The following NECAB1 variants were observed in gnomAD, a reference collection of about 807,000 sequenced individuals.
The protein encoded by NECAB1 is N-terminal EF-hand calcium binding protein 1, also known as N-terminal EF-hand calcium-binding protein 1.
In NECAB1, 29 loss-of-function variants were observed where a neutral mutation model predicts 57.5. That is an observed-to-expected ratio of 0.50 (90% CI 0.38 to 0.69). The LOEUF (loss-of-function observed/expected upper bound fraction) is 0.69, where lower values mean the gene tolerates loss of function less well. Among genes scored for constraint, NECAB1 ranks in the 30% least tolerant of loss-of-function variants. The pLI is 0.00. For synonymous variants in NECAB1, 142 were observed against 147.7 expected (o/e 0.96, Z 0.28); for missense variants, 372 against 413.8 (o/e 0.90, Z 0.88).
At chr8:90,806,868 ATTTT>A (rs1811854765) in intron 2 of NECAB1, 1 of 152,124 alleles carries the variant, frequency 6.6e-6, no homozygotes, top group Admixed American at 6.5e-5. Flanking sequence ...TATTTTCCCT[ATTTT>A]TTAAGTGAAG....
Position 90,921,835 on chromosome 8 carries a change from A to T in NECAB1, c.495-3700A>T, listed in dbSNP as rs143527820. 4.3e-3 allele frequency among the ~76,000 whole-genome samples: 662 copies of T among 152,324 alleles called. 4 individuals are homozygous for T. The highest frequency in any genetic ancestry group is 0.015 in the African/African-American group (608 of 41,558). On this transcript the variant is annotated intron_variant, in intron 6 of 12. Transcript: ENST00000417640. ...TCCTTGGAATATAGCAAATTTAGGG[A>T]AGTCATCTATTCCATCTATCAGCCC... is the stretch of plus-strand genomic sequence containing the variant.
At chr8:90,930,796 C>T (rs1174472214) in intron 8 of NECAB1, among the ~76,000 whole-genome samples, 1 of 152,178 alleles carries the variant, frequency 6.6e-6, no homozygotes, top group African/African-American at 2.4e-5. Flanking sequence ...AAAATAGTGG[C>T]TATGGAAATT....
chr8:90,928,137 G>C (rs1810321823), intron 7 of NECAB1, 86 bp from the exon 8 acceptor site: 11 of 979,672 alleles, frequency 1.1e-5, no homozygotes, highest in African/African-American at 3.3e-5. Context: ...TTTCCTTCAG[G>C]GTTGAAGGAA....
At chr8:90,822,315 T>C (rs1351722631) in intron 2 of NECAB1, among the ~76,000 whole-genome samples, 2 of 151,924 alleles carry the variant, frequency 1.3e-5, no homozygotes, top group Non-Finnish European at 2.9e-5. Flanking sequence ...TCCCTTTCCT[T>C]TAAAAAATGT....
Position 90,945,295 on chromosome 8 carries a change from C to T in NECAB1, c.860+4397C>T, listed in dbSNP as rs1445534133. Among the ~76,000 whole-genome samples, 26 of 152,050 alleles carry T rather than the reference C, an allele frequency of 1.7e-4. 1 individual carries two copies. Among genetic ancestry groups the T allele is most frequent in the Admixed American group, 1.5e-3 (23 of 15,262 alleles). Reference sequence around the variant, plus strand: ...GTTGCCCAGGCTGGTCGCGAACCTCCGACTTCGTGATCCGCCCGCCTCAGT... The same window carrying T: ...GTTGCCCAGGCTGGTCGCGAACCTCTGACTTCGTGATCCGCCCGCCTCAGT... On this transcript the variant is annotated intron_variant, in intron 10 of 12. Coordinates refer to ENST00000417640, the MANE Select transcript of NECAB1 (RefSeq NM_022351.5).
At chr8:90,798,204 A>AT (rs1423564096) in intron 1 of NECAB1, among the ~76,000 whole-genome samples, 1 of 152,210 alleles carries the variant, frequency 6.6e-6, no homozygotes, top group African/African-American at 2.4e-5. Context: ...TCCTTGTAAG[A>AT]TGCCCAGTCA....
intron 5 of NECAB1, among the ~76,000 whole-genome samples, chr8:90,905,741 A>T (rs1809624727): frequency 6.6e-6 from 1 of 152,078 alleles, no homozygotes; most frequent in Admixed American, 6.6e-5. Context: ...AGAACTCCTT[A>T]TATGTAAGTT....
chr8:90,895,737 T>C (rs780376672), intron 5 of NECAB1, among the ~76,000 whole-genome samples: 12 of 152,222 alleles, frequency 7.9e-5, no homozygotes, highest in Admixed American at 1.3e-4. Flanking sequence ...TTAGTCAGAT[T>C]TGTGGCCTCT....
At chr8:90,810,470 A>G (rs1461945770) in intron 2 of NECAB1, among the ~76,000 whole-genome samples, 1 of 152,208 alleles carries the variant, frequency 6.6e-6, no homozygotes, top group African/African-American at 2.4e-5. Flanking sequence ...TCTTAGACTA[A>G]TTCATTAACC....
intron 2 of NECAB1, among the ~76,000 whole-genome samples, chr8:90,816,209 T>C (rs1383798825): frequency 6.6e-6 from 1 of 151,972 alleles, no homozygotes; most frequent in Non-Finnish European, 1.5e-5. Flanking sequence ...GCTTTTGTTT[T>C]CTTACTGTTG....
At chr8:90,896,850 T>A (rs369154152) in intron 5 of NECAB1, among the ~76,000 whole-genome samples, 2 of 152,128 alleles carry the variant, frequency 1.3e-5, no homozygotes, top group Non-Finnish European at 2.9e-5. Context: ...TGCTACCTGC[T>A]CTGCCCTGAC....
chr8:90,865,165 A>C (rs1196600190), intron 3 of NECAB1, among the ~76,000 whole-genome samples: 1 of 152,184 alleles, frequency 6.6e-6, no homozygotes, highest in Non-Finnish European at 1.5e-5. Context: ...GAAAAAATTC[A>C]ATCAGGAAAA....
chr8:90,950,051 A>G (rs1247298336), intron 11 of NECAB1, among the ~76,000 whole-genome samples, 167 bp downstream of exon 11: 1 of 152,180 alleles, frequency 6.6e-6, no homozygotes, highest in African/African-American at 2.4e-5. Context: ...TGTATTTAAT[A>G]GCTTAGAAAC....
At chr8:90,933,936 T>C (rs1034311660) in intron 8 of NECAB1, among the ~76,000 whole-genome samples, 15 of 152,172 alleles carry the variant, frequency 9.9e-5, no homozygotes, top group African/African-American at 3.6e-4. Flanking sequence ...TACTCATTCA[T>C]AGCAAAATAA....
intron 4 of NECAB1, among the ~76,000 whole-genome samples, chr8:90,875,688 T>C (rs1356005862): frequency 1.3e-5 from 2 of 150,670 alleles, no homozygotes; most frequent in African/African-American, 2.4e-5. Flanking sequence ...TTAAAAGTTA[T>C]ATGAAGTCTA....
chr8:90,864,487 T>C (rs2129821284), intron 3 of NECAB1, among the ~76,000 whole-genome samples: 1 of 152,218 alleles, frequency 6.6e-6, no homozygotes, highest in Middle Eastern at 3.4e-3. Context: ...TCAAGTGTTC[T>C]CATTGATTGT....
intron 3 of NECAB1, among the ~76,000 whole-genome samples, chr8:90,867,910 G>T (rs1808550625): frequency 6.6e-6 from 1 of 152,060 alleles, no homozygotes; most frequent in Non-Finnish European, 1.5e-5. Flanking sequence ...TTGGCTCTAT[G>T]TCCCCACTCA....
At chr8:90,827,403 C>T (rs190837233) in intron 3 of NECAB1, among the ~76,000 whole-genome samples, 138 of 152,136 alleles carry the variant, frequency 9.1e-4, no homozygotes, top group Non-Finnish European at 4.3e-4. Context: ...GCCCCTGTGG[C>T]TACCCAGCTC....
At chr8:90,849,650 A>T (rs955871111) in intron 3 of NECAB1, among the ~76,000 whole-genome samples, 25 of 151,114 alleles carry the variant, frequency 1.7e-4, no homozygotes, top group African/African-American at 6.1e-4. Context: ...CAGAAGACCT[A>T]AAAAACTAGT....
Sources: gnomAD v4.1 joint callset for allele counts (sites outside exome capture counted in the v4.1 genomes callset) on GRCh38, gnomAD v4.1.1 for gene constraint, MANE v1.5 for transcripts, NCBI Gene and HGNC (gene_info 2026-07-23, HGNC 2026-07-21) for gene names.